TSNARE1: variants seen among roughly 807,000 people sequenced by gnomAD.
TSNARE1 encodes the protein t-SNARE domain containing 1, also known as t-SNARE domain-containing protein 1.
A neutral mutation model predicts 62.0 loss-of-function variants in TSNARE1; 49 were observed. The observed-to-expected ratio is 0.79, with a 90% confidence interval of 0.63 to 1.00. TSNARE1 has a LOEUF of 1.00. Ranked by LOEUF, TSNARE1 falls within the 50% of genes least tolerant of loss-of-function variation. TSNARE1 has a pLI of 0.00. For missense variants in TSNARE1, 755 were observed against 700.1 expected (o/e 1.08, Z -0.88); for synonymous variants, 328 against 294.4 (o/e 1.11, Z -1.17).
intron 4 of TSNARE1, among the ~76,000 whole-genome samples, chr8:142,338,267 G>A (rs1158555873): frequency 6.6e-6 from 1 of 152,250 alleles, no homozygotes. Context: ...GCCCGCTGCA[G>A]ACGAAGGCCT....
At chr8:142,297,738 G>A (rs540818437) in intron 10 of TSNARE1, among the ~76,000 whole-genome samples, 16 of 152,376 alleles carry the variant, frequency 1.1e-4, no homozygotes, top group Non-Finnish European at 1.6e-4. Flanking sequence ...CCTCTCATGC[G>A]TCACGCTGGA....
chr8:142,274,929 C>T (rs546567129), intron 11 of TSNARE1, 66 bp from the exon 12 acceptor site: 9 of 1,422,872 alleles, frequency 6.3e-6, no homozygotes, highest in East Asian at 2.9e-5. Flanking sequence ...CTGAGGACAC[C>T]CCCCAAAGGC....
intron 12 of TSNARE1, among the ~76,000 whole-genome samples, chr8:142,251,998 T>C (rs369630131): frequency 2.8e-3 from 195 of 69,050 alleles, no homozygotes; most frequent in South Asian, 3.5e-3. Flanking sequence ...TACCCGCCAC[T>C]CGCGTTCTCT....
chr8:142,351,143 T>C (rs1448913738), intron 2 of TSNARE1, among the ~76,000 whole-genome samples: 1 of 152,224 alleles, frequency 6.6e-6, no homozygotes. Flanking sequence ...GGGGCACATG[T>C]ACCGCCACAC....
chr8:142,317,854 A>G (rs1040638314), intron 7 of TSNARE1, among the ~76,000 whole-genome samples: 2 of 152,198 alleles, frequency 1.3e-5, no homozygotes, highest in African/African-American at 4.8e-5. Context: ...GGTACTCAGG[A>G]GGCTGAGGCA....
At chr8:142,382,397 C>G (rs1031278592) in intron 1 of TSNARE1, among the ~76,000 whole-genome samples, 2 of 152,200 alleles carry the variant, frequency 1.3e-5, no homozygotes, top group African/African-American at 4.8e-5. Flanking sequence ...CTCCATCATT[C>G]CCCGGGAGGC....
In TSNARE1 at chr8:142,277,502, G is replaced by A. The variant is rs115406733; in HGVS notation, c.1364-2639C>T. Reference sequence around the variant, plus strand: ...AGTGCCGCTGCAGAGCGGAAAGCATGGCCGGCTCGGGGCAACTGGGCCTGC... The same window carrying A: ...AGTGCCGCTGCAGAGCGGAAAGCATAGCCGGCTCGGGGCAACTGGGCCTGC... On this transcript the variant is annotated intron_variant, in intron 11 of 13. Coordinates refer to ENST00000524325, the MANE Select transcript of TSNARE1 (RefSeq NM_145003.5). The A allele has an allele frequency of 5.0e-4, 491 of 985,462 alleles. 2 individuals are homozygous for A. The African/African-American group carries it at 7.7e-3, about 15-fold the overall frequency. 61.0% of individuals were successfully genotyped at this position (985,462 alleles called of 1,614,324 possible).
intron 12 of TSNARE1, among the ~76,000 whole-genome samples, chr8:142,236,152 T>C (rs1817408638): frequency 6.6e-6 from 1 of 152,188 alleles, no homozygotes; most frequent in Non-Finnish European, 1.5e-5. Context: ...GGTGGGATCC[T>C]GGGGTGCTTT....
intron 6 of TSNARE1, among the ~76,000 whole-genome samples, chr8:142,321,733 T>C (rs1424838454): frequency 2.0e-5 from 3 of 152,130 alleles, no homozygotes; most frequent in Non-Finnish European, 4.4e-5. Context: ...TTAAAAGACA[T>C]GAATTATATC....
At position 142,253,922 on chromosome 8, in the gene TSNARE1, C is replaced by T. The variant is rs1283010933; in HGVS notation, c.1446+20859G>A. 6.6e-5 allele frequency among the ~76,000 whole-genome samples: 10 copies of T among 152,348 alleles called. No individual in the cohort carries two copies. In the East Asian group the frequency reaches 1.9e-3, roughly 29 times the overall value. On this transcript the variant is annotated intron_variant, in intron 12 of 13. Coordinates refer to ENST00000524325, the MANE Select transcript of TSNARE1 (RefSeq NM_145003.5). ...TCAGGTTCCCCCGACCCAGGGCTGC[C>T]CACTGATCCCTCCAGACCCTGTCAG...
At chr8:142,393,874 G>A (rs897414546) in intron 1 of TSNARE1, among the ~76,000 whole-genome samples, 3 of 152,188 alleles carry the variant, frequency 2.0e-5, no homozygotes, top group African/African-American at 4.8e-5. Context: ...CTCCTCCCTC[G>A]GGGAGTGTGG....
intron 11 of TSNARE1, 45 bp from the exon 12 acceptor site, chr8:142,274,908 C>A: frequency 6.9e-7 from 1 of 1,457,830 alleles, no homozygotes; most frequent in Non-Finnish European, 9.1e-7. Flanking sequence ...GGAGGCCCAG[C>A]CGCCCCCGCC....
intron 12 of TSNARE1, among the ~76,000 whole-genome samples, chr8:142,232,439 T>A (rs575716215): frequency 6.6e-6 from 1 of 152,318 alleles, no homozygotes; most frequent in Non-Finnish European, 1.5e-5. Flanking sequence ...GCGCTACGTC[T>A]CTACCCTCCA....
intron 11 of TSNARE1, among the ~76,000 whole-genome samples, chr8:142,283,422 G>T (rs1449953986): frequency 6.8e-6 from 1 of 147,654 alleles, no homozygotes; most frequent in African/African-American, 2.5e-5. Context: ...GAGCAGAGGC[G>T]GGGTTAGTGT....
At chr8:142,303,209 T>C (rs1826059258) in intron 9 of TSNARE1, among the ~76,000 whole-genome samples, 1 of 152,168 alleles carries the variant, frequency 6.6e-6, no homozygotes, top group Admixed American at 6.5e-5. Flanking sequence ...CCATGCCATG[T>C]AGCTCAGGGT....
chr8:142,324,301 G>A (rs1167588888), intron 6 of TSNARE1, among the ~76,000 whole-genome samples: 2 of 152,196 alleles, frequency 1.3e-5, no homozygotes, highest in Non-Finnish European at 2.9e-5. Flanking sequence ...GGCCAGGCAG[G>A]CGGCTACAGG....
intron 1 of TSNARE1, among the ~76,000 whole-genome samples, chr8:142,367,252 T>C (rs1835615384): frequency 6.6e-6 from 1 of 152,172 alleles, no homozygotes; most frequent in African/African-American, 2.4e-5. Flanking sequence ...ACAGTTCATA[T>C]GGGAAAACAA....
chr8:142,317,951 C>A (rs1828841032), intron 7 of TSNARE1, among the ~76,000 whole-genome samples: 1 of 152,156 alleles, frequency 6.6e-6, no homozygotes, highest in Non-Finnish European at 1.5e-5. Context: ...GAGCAAGACT[C>A]CGTCTCAAAA....
At chr8:142,227,214 C>G (rs1816856490) in intron 13 of TSNARE1, among the ~76,000 whole-genome samples, 1 of 148,162 alleles carries the variant, frequency 6.7e-6, no homozygotes, top group African/African-American at 2.6e-5. Context: ...GCATCCACAA[C>G]CCTAGTGACA....
Sources: gnomAD v4.1 joint callset for allele counts (sites outside exome capture counted in the v4.1 genomes callset) on GRCh38, gnomAD v4.1.1 for gene constraint, MANE v1.5 for transcripts, NCBI Gene and HGNC (gene_info 2026-07-23, HGNC 2026-07-21) for gene names.